The following ZFR2 variants were observed in gnomAD, a reference collection of about 807,000 sequenced individuals.
ZFR2 encodes zinc finger RNA binding protein 2, also known as zinc finger RNA-binding protein 2.
A neutral mutation model predicts 105.7 loss-of-function variants in ZFR2; 104 were observed. The observed-to-expected ratio is 0.98, with a 90% CI of 0.84 to 1.16. ZFR2 has a LOEUF of 1.16. Ranked by LOEUF, ZFR2 falls within the 50% of genes most tolerant of loss-of-function variation. The probability of loss-of-function intolerance (pLI) is 0.00; values close to 1 mark genes in which losing one functional copy is unlikely to be tolerated. For missense variants in ZFR2, 1,425 were observed against 1,355.5 expected (o/e 1.05, Z -0.80); for synonymous variants, 634 against 597.7 (o/e 1.06, Z -0.89).
rs956142381 is a variant in ZFR2, at chr19:3,821,761, G to A, written c.1492-282C>T. Among the ~76,000 whole-genome samples the A allele has an allele frequency of 1.7e-4, 26 of 151,406 alleles. 2 individuals carry two copies. The highest frequency in any genetic ancestry group is 4.2e-4 in the South Asian group (2 of 4,792). On this transcript the variant is annotated intron_variant, in intron 9 of 18. Transcript: ENST00000262961. ...CCCGAGTAGCTGGGATTACAGGTGC[G>A]CACCACCACACCTGGCTAATTTTTG...
In ZFR2 at chr19:3,833,618, G is replaced by A. The variant is rs528352546; in HGVS notation, c.379+46C>T. On this transcript the variant is annotated intron_variant, in intron 3 of 18. Transcript: ENST00000262961. Reference sequence around the variant, plus strand: ...GTTTCCCAAGGTTTCCCTGTGCTGCGGGGAGCGTCTCCTCGTTCCCAGCCC... The same window carrying A: ...GTTTCCCAAGGTTTCCCTGTGCTGCAGGGAGCGTCTCCTCGTTCCCAGCCC... 61 of 1,422,722 alleles carry A rather than the reference G, an allele frequency of 4.3e-5. No individual in the cohort carries two copies. The Admixed American group carries it at 8.6e-4, about 20-fold the overall frequency. The allele number at this position is 1,422,722 out of a possible 1,614,324, so 88.1% of individuals were successfully genotyped here. A position where few individuals can be genotyped will look rare whatever the true frequency, so the allele number is the denominator to read the frequency against.
chr19:3,835,490 C>CATTTT (rs57533924), intron 1 of ZFR2, among the ~76,000 whole-genome samples: 3 of 143,662 alleles, frequency 2.1e-5, no homozygotes, highest in African/African-American at 2.6e-5. Context: ...CACGCCCAGC[C>CATTTT]TTTTTTTTTT....
At chr19:3,850,749 ACAAAACAAACAC>A in intron 1 of ZFR2, among the ~76,000 whole-genome samples, 1 of 150,238 alleles carries the variant, frequency 6.7e-6, no homozygotes, top group South Asian at 2.1e-4. Context: ...AACAACAACA[ACAAAACAAACAC>A]ACACAAAAAA....
At chr19:3,810,643 G>C in intron 16 of ZFR2, 107 bp downstream of exon 16, 2 of 1,114,410 alleles carry the variant, frequency 1.8e-6, no homozygotes, top group Non-Finnish European at 2.5e-6. Context: ...TAGGTCTCCC[G>C]CCGGCTCCTT....
intron 1 of ZFR2, chr19:3,852,462 G>A: frequency 1.4e-6 from 1 of 718,456 alleles, no homozygotes; most frequent in South Asian, 1.5e-5. Context: ...CCTTCACCAG[G>A]CAGGGTCCCA....
At chr19:3,810,025 G>A (rs1294991222) in intron 16 of ZFR2, among the ~76,000 whole-genome samples, 7 of 152,224 alleles carry the variant, frequency 4.6e-5, no homozygotes, top group Non-Finnish European at 8.8e-5. Flanking sequence ...AAACGCCTCT[G>A]TACCATGCTG....
intron 6 of ZFR2, among the ~76,000 whole-genome samples, chr19:3,826,257 A>G (rs2037948546): frequency 6.6e-6 from 1 of 151,938 alleles, no homozygotes; most frequent in African/African-American, 2.4e-5. Flanking sequence ...GAGCCGAGCC[A>G]GGGAATGAGG....
At chr19:3,850,606 GCA>G in intron 1 of ZFR2, among the ~76,000 whole-genome samples, 1 of 152,058 alleles carries the variant, frequency 6.6e-6, no homozygotes, top group East Asian at 1.9e-4. Flanking sequence ...AAGAGGCCGG[GCA>G]CAGTGGCTCA....
intron 1 of ZFR2, among the ~76,000 whole-genome samples, chr19:3,853,083 G>C (rs556940856): frequency 1.3e-5 from 2 of 152,330 alleles, no homozygotes; most frequent in South Asian, 4.1e-4. Flanking sequence ...GGGCAATACA[G>C]TGAGACCCCA....
chr19:3,845,849 C>T (rs965908385), intron 1 of ZFR2, among the ~76,000 whole-genome samples: 3 of 152,112 alleles, frequency 2.0e-5, no homozygotes, highest in Non-Finnish European at 4.4e-5. Flanking sequence ...GTCTCCAAAT[C>T]CGGGCATATT....
chr19:3,809,086 T>C, intron 16 of ZFR2, 103 bp from the exon 17 acceptor site: 1 of 830,624 alleles, frequency 1.2e-6, no homozygotes, highest in Non-Finnish European at 1.8e-6. Context: ...CCCTCAGCTC[T>C]TTCTCTAACT....
chr19:3,844,574 G>A (rs1350614230), intron 1 of ZFR2, among the ~76,000 whole-genome samples: 3 of 152,052 alleles, frequency 2.0e-5, no homozygotes, highest in Non-Finnish European at 4.4e-5. Context: ...CCACCATGTT[G>A]GCCAGGCTGA....
intron 16 of ZFR2, among the ~76,000 whole-genome samples, chr19:3,809,195 C>A (rs889848239): frequency 2.6e-5 from 4 of 152,204 alleles, no homozygotes; most frequent in African/African-American, 9.6e-5. Context: ...TTTCTGAGAG[C>A]GGAGTCTCGC....
intron 14 of ZFR2, 83 bp from the exon 15 acceptor site, chr19:3,811,449 G>GT (rs1276047542): frequency 8.5e-6 from 11 of 1,292,256 alleles, no homozygotes; most frequent in African/African-American, 1.5e-5. Context: ...CTCAGTTTGG[G>GT]CCCCTCGACG....
Position 3,805,771 on chromosome 19 carries a change from A to T in ZFR2, c.*178T>A. ...CTCAGCCTCCCAAAGTGCTGGGATTAAAGGCATGAGCCACAGTGCCCGGTC... is the reference window on the plus strand; with the variant it reads ...CTCAGCCTCCCAAAGTGCTGGGATTTAAGGCATGAGCCACAGTGCCCGGTC... On this transcript the variant is annotated 3_prime_UTR_variant, in exon 19 of 19. Coordinates refer to ENST00000262961, the MANE Select transcript of ZFR2 (RefSeq NM_015174.2). The T allele has an allele frequency of 2.8e-6, 2 of 713,154 alleles. No individual in the cohort carries two copies. Among genetic ancestry groups the T allele is most frequent in the Non-Finnish European group, 4.2e-6 (2 of 475,404 alleles). 44.2% of individuals were successfully genotyped at this position (713,154 alleles called of 1,614,324 possible). A position where few individuals can be genotyped will look rare whatever the true frequency, so the allele number is the denominator to read the frequency against.
chr19:3,868,819 G>T, intron 1 of ZFR2, 146 bp downstream of exon 1: 1 of 654,576 alleles, frequency 1.5e-6, no homozygotes. Flanking sequence ...TTCTCCCGGC[G>T]CCGCGGCTTC....
chr19:3,840,535 C>G (rs1202837370), intron 1 of ZFR2, among the ~76,000 whole-genome samples: 2 of 148,626 alleles, frequency 1.3e-5, no homozygotes, highest in Admixed American at 1.3e-4. Context: ...CTGTGCCTGG[C>G]CTGATTGTTT....
At chr19:3,862,844 A>C (rs892686729) in intron 1 of ZFR2, among the ~76,000 whole-genome samples, 2 of 152,214 alleles carry the variant, frequency 1.3e-5, no homozygotes, top group Non-Finnish European at 2.9e-5. Flanking sequence ...AGACCGCAGC[A>C]ACATGGGAGG....
Position 3,838,225 on chromosome 19 carries a change from G to A in ZFR2, c.54-3242C>T, listed in dbSNP as rs116587211. On this transcript the variant is annotated intron_variant, in intron 1 of 18. Transcript: ENST00000262961. This position sits in a 1 kb window ranked among gnomAD's most constrained non-coding sequence, Gnocchi z 4.9. ...CCCGACAATACATTCGATGAACACC[G>A]TGACTACTGACATTTGATGAACACT... 0.013 allele frequency among the ~76,000 whole-genome samples: 1,938 copies of A among 152,220 alleles called. 32 individuals are homozygous for A. The highest frequency in any genetic ancestry group is 0.042 in the African/African-American group (1,736 of 41,518).
Sources: gnomAD v4.1 joint callset for allele counts (sites outside exome capture counted in the v4.1 genomes callset) on GRCh38, gnomAD v4.1.1 for gene constraint, Gnocchi (gnomAD v3.1) non-coding constraint, MANE v1.5 for transcripts, NCBI Gene and HGNC (gene_info 2026-07-23, HGNC 2026-07-21) for gene names.